The following PARD3B variants were observed in gnomAD, a reference collection of about 807,000 sequenced individuals.
PARD3B encodes the protein partitioning defective 3 homolog B.
Under a neutral mutation model 130.2 loss-of-function variants are expected in PARD3B, and 103 were observed. The ratio of observed to expected loss-of-function variants is 0.79; its 90% CI spans 0.67 to 0.93. The LOEUF is 0.93. PARD3B is among the 40% of genes least tolerant of loss of function. The pLI is 0.00. For missense variants in PARD3B, 1,609 were observed against 1,499.2 expected, an observed-to-expected ratio of 1.07 and a Z score of -1.21; for synonymous variants, 583 against 553.2, an observed-to-expected ratio of 1.05 and a Z score of -0.76.
At chr2:205,170,660 A>G (rs2035111795) in intron 11 of PARD3B, among the ~76,000 whole-genome samples, 1 of 152,026 alleles carries the variant, frequency 6.6e-6, no homozygotes, top group Non-Finnish European at 1.5e-5. Context: ...CAGCAGAGGG[A>G]CTTCCTCGGG....
At chr2:204,848,502 G>A (rs78100116) in intron 2 of PARD3B, among the ~76,000 whole-genome samples, 3 of 152,234 alleles carry the variant, frequency 2.0e-5, no homozygotes, top group Non-Finnish European at 4.4e-5. Context: ...ATAGTTAGCT[G>A]GGTGTGTGGT....
chr2:205,526,285 G>A (rs2051333253), intron 21 of PARD3B, among the ~76,000 whole-genome samples: 1 of 152,144 alleles, frequency 6.6e-6, no homozygotes, highest in African/African-American at 2.4e-5. Flanking sequence ...ACTGTAAGCA[G>A]CTATCACAGG....
intron 3 of PARD3B, among the ~76,000 whole-genome samples, chr2:204,978,412 G>A (rs115439753): frequency 7.2e-5 from 11 of 152,282 alleles, no homozygotes; most frequent in Non-Finnish European, 1.5e-4. Context: ...CTGTGCAACA[G>A]TTCTCACCCC....
At chr2:205,520,172 G>A (rs6717939) in intron 21 of PARD3B, among the ~76,000 whole-genome samples, 38,321 of 151,966 alleles carry the variant, frequency 0.25, 5,989 homozygotes, top group Admixed American at 0.4. Flanking sequence ...TTTGTGTCCC[G>A]AAGCCTCTGC....
chr2:205,210,413 A>G (rs868347393), intron 15 of PARD3B, among the ~76,000 whole-genome samples: 17 of 152,138 alleles, frequency 1.1e-4, no homozygotes, highest in South Asian at 6.2e-4. Context: ...CTTCTACAAC[A>G]TTATCTTTTA....
chr2:205,202,455 T>C (rs1352810260), intron 15 of PARD3B, among the ~76,000 whole-genome samples: 1 of 152,206 alleles, frequency 6.6e-6, no homozygotes, highest in East Asian at 1.9e-4. Flanking sequence ...TTCTTACTAC[T>C]ATTAATTGGA....
intron 19 of PARD3B, among the ~76,000 whole-genome samples, chr2:205,432,639 T>C (rs1019917162): frequency 2.0e-5 from 3 of 152,180 alleles, no homozygotes; most frequent in African/African-American, 7.2e-5. Flanking sequence ...GTGCCTTTCC[T>C]TTAAGTAAAT....
chr2:204,760,548 G>A (rs2040855333), intron 2 of PARD3B, among the ~76,000 whole-genome samples: 1 of 151,676 alleles, frequency 6.6e-6, no homozygotes, highest in African/African-American at 2.4e-5. Context: ...TTAATATATT[G>A]AAACTGTTTT....
intron 1 of PARD3B, among the ~76,000 whole-genome samples, chr2:204,575,485 T>C (rs1160729995): frequency 1.3e-5 from 2 of 152,240 alleles, no homozygotes; most frequent in Non-Finnish European, 2.9e-5. Context: ...CCCTTGATGC[T>C]AAGAAAGCAG....
chr2:205,267,917 T>G (rs1475834163), intron 16 of PARD3B, among the ~76,000 whole-genome samples: 1 of 152,194 alleles, frequency 6.6e-6, no homozygotes, highest in Admixed American at 6.6e-5. Flanking sequence ...ACTAATCTAA[T>G]CTCTAAACCA....
At chr2:204,783,886 T>C (rs1424842453) in intron 2 of PARD3B, among the ~76,000 whole-genome samples, 1 of 152,184 alleles carries the variant, frequency 6.6e-6, no homozygotes, top group Admixed American at 6.5e-5. Flanking sequence ...TCGATGAGAT[T>C]TCTTTTGGCT....
chr2:204,940,555 A>T (rs1016664108), intron 2 of PARD3B, among the ~76,000 whole-genome samples: 11 of 151,870 alleles, frequency 7.2e-5, no homozygotes, highest in African/African-American at 2.7e-4. Flanking sequence ...CATGAATATC[A>T]TTACAAAAAA....
intron 20 of PARD3B, among the ~76,000 whole-genome samples, chr2:205,453,763 G>C (rs1013930750): frequency 6.6e-6 from 1 of 152,158 alleles, no homozygotes; most frequent in Non-Finnish European, 1.5e-5. Flanking sequence ...GAAAAAGAAA[G>C]AGCATTACAT....
chr2:204,818,377 A>C (rs2043217502), intron 2 of PARD3B, among the ~76,000 whole-genome samples: 1 of 152,196 alleles, frequency 6.6e-6, no homozygotes, highest in Non-Finnish European at 1.5e-5. Context: ...TGAAGATATA[A>C]GGTGTTTATT....
At chr2:205,193,176 TA>T in intron 14 of PARD3B, 28 bp from the exon 15 acceptor site, 1 of 1,491,034 alleles carries the variant, frequency 6.7e-7, no homozygotes, top group Non-Finnish European at 9.3e-7. Context: ...ATTCTAAACC[TA>T]AATACAACAT....
At chr2:204,706,879 AATG>A (rs762541314) in intron 2 of PARD3B, among the ~76,000 whole-genome samples, 6 of 152,150 alleles carry the variant, frequency 3.9e-5, no homozygotes, top group East Asian at 1.9e-4. Flanking sequence ...CTGGTGAAAT[AATG>A]ATGATAAATA....
intron 18 of PARD3B, among the ~76,000 whole-genome samples, chr2:205,377,763 ATTTT>A (rs3048124): frequency 6.0e-5 from 7 of 117,458 alleles, no homozygotes; most frequent in East Asian, 4.6e-4. Context: ...GTGTAATCCA[ATTTT>A]TTTTTTTTTT....
At position 205,121,987 on chromosome 2, in the gene PARD3B, G is replaced by A. The variant is rs775705184; in HGVS notation, c.1165+38G>A. The stretch of plus-strand genomic sequence containing the variant: ...TTATGCCTAATAGCATTCTATTATT[G>A]TAACATGTAAAATTGGTTAAGAGAA... On this transcript the variant is annotated intron_variant, in intron 8 of 22. Coordinates refer to ENST00000406610, the MANE Select transcript of PARD3B (RefSeq NM_001302769.2). This position sits in a 1 kb window ranked among gnomAD's most constrained non-coding sequence, Gnocchi z 5.0. The A allele has an allele frequency of 1.3e-6, 2 of 1,500,968 alleles. No homozygotes were observed. The highest frequency in any genetic ancestry group is 1.8e-6 in the Non-Finnish European group (2 of 1,106,162). The allele number at this position is 1,500,968 out of a possible 1,614,324, so 93.0% of individuals were successfully genotyped here.
At chr2:205,249,945 A>G (rs1249098511) in intron 16 of PARD3B, among the ~76,000 whole-genome samples, 1 of 151,848 alleles carries the variant, frequency 6.6e-6, no homozygotes, top group Non-Finnish European at 1.5e-5. Flanking sequence ...TGGAGAAAAA[A>G]AAAAAACAGA....
Sources: allele counts gnomAD v4.1 joint callset (sites outside exome capture counted in the v4.1 genomes callset), GRCh38; gene constraint gnomAD v4.1.1; non-coding constraint Gnocchi (gnomAD v3.1); transcripts MANE v1.5; gene names NCBI Gene and HGNC (gene_info 2026-07-23, HGNC 2026-07-21).